Variants in CD96 observed in about 807,000 individuals in gnomAD.
CD96 encodes the protein CD96 molecule, also known as T-cell surface protein tactile.
Under a neutral mutation model 71.3 loss-of-function variants are expected in CD96, and 70 were observed. The observed-to-expected ratio is 0.98, with a 90% CI of 0.81 to 1.20. The LOEUF is 1.20. CD96 is among the 50% of genes most tolerant of loss of function. The probability of loss-of-function intolerance (pLI) is 0.00; values close to 1 mark genes in which losing one functional copy is unlikely to be tolerated. For missense variants in CD96, 742 were observed against 677.5 expected, an observed-to-expected ratio of 1.10 and a Z score of -1.06; for synonymous variants, 248 against 233.0, an observed-to-expected ratio of 1.06 and a Z score of -0.59.
In CD96 at chr3:111,544,763, C is replaced by G. The variant is rs148218463; in HGVS notation, c.62-283C>G. On this transcript the variant is annotated intron_variant, in intron 1 of 13. Coordinates refer to ENST00000352690, the MANE Select transcript of CD96 (RefSeq NM_005816.5). ...TTTCAAATAGGCTTAATTTTATTCA[C>G]AGGTAGTCTGAAACCTTCAATTATA... Among the ~76,000 whole-genome samples, 492 of 152,306 alleles carry G rather than the reference C, an allele frequency of 3.2e-3. 9 individuals carry two copies. Among genetic ancestry groups the G allele is most frequent in the East Asian group, 0.028 (146 of 5,188 alleles).
chr3:111,662,984 C>G (rs1341554457), intron 14 of CD96, among the ~76,000 whole-genome samples: 1 of 152,164 alleles, frequency 6.6e-6, no homozygotes, highest in African/African-American at 2.4e-5. Flanking sequence ...AGAGACATAC[C>G]TGAGACTGAG....
intron 8 of CD96, chr3:111,612,850 A>G (rs934933666): frequency 2.8e-5 from 27 of 976,422 alleles, no homozygotes; most frequent in Admixed American, 2.5e-4. Flanking sequence ...GACATGCAGC[A>G]TCTGAGAGTG....
intron 3 of CD96, chr3:111,571,017 T>C: frequency 7.0e-7 from 1 of 1,431,612 alleles, no homozygotes; most frequent in Non-Finnish European, 9.9e-7. Context: ...CAGCTTCTCT[T>C]TTGGGGTCAG....
intron 3 of CD96, among the ~76,000 whole-genome samples, chr3:111,578,563 C>T (rs562801064): frequency 1.3e-5 from 2 of 152,236 alleles, no homozygotes; most frequent in South Asian, 4.2e-4. Context: ...AGTCCAGGCT[C>T]GGGGAGGAGC....
At chr3:111,549,489 C>T (rs2107475462) in intron 2 of CD96, among the ~76,000 whole-genome samples, 1 of 152,160 alleles carries the variant, frequency 6.6e-6, no homozygotes, top group East Asian at 1.9e-4. Flanking sequence ...AAAAATGCAT[C>T]TTTGTGGTTC....
chr3:111,552,930 C>T (rs1934790717), intron 2 of CD96, among the ~76,000 whole-genome samples: 1 of 152,036 alleles, frequency 6.6e-6, no homozygotes, highest in Admixed American at 6.6e-5. Flanking sequence ...TAATTTCCCA[C>T]ATACTGAACA....
In CD96 at chr3:111,570,864, C is replaced by T. The variant is rs1020165084; in HGVS notation, c.543+3217C>T. Reference sequence around the variant, plus strand: ...GGCTCCAGGGTGCAAGGGTCCTGACCGCTCTTCCAAGGTGGGCAGCTCATG... The same window carrying T: ...GGCTCCAGGGTGCAAGGGTCCTGACTGCTCTTCCAAGGTGGGCAGCTCATG... On this transcript the variant is annotated intron_variant, in intron 3 of 13. Transcript: ENST00000352690. 113 of 1,609,466 alleles carry T rather than the reference C, an allele frequency of 7.0e-5. 1 individual carries two copies. In the African/African-American group the frequency reaches 1.1e-3, roughly 16 times the overall value.
chr3:111,610,665 G>C (rs1559755090), intron 8 of CD96, among the ~76,000 whole-genome samples: 1 of 152,192 alleles, frequency 6.6e-6, no homozygotes, highest in Non-Finnish European at 1.5e-5. Flanking sequence ...CTGAGTCCCA[G>C]CTGCATTCTC....
intron 2 of CD96, among the ~76,000 whole-genome samples, chr3:111,553,053 GTAT>G (rs1934797366): frequency 6.6e-6 from 1 of 150,498 alleles, no homozygotes; most frequent in Non-Finnish European, 1.5e-5. Flanking sequence ...GTTTATTTTA[GTAT>G]GAATCTTTAA....
intron 10 of CD96, among the ~76,000 whole-genome samples, chr3:111,631,437 CAAAG>C (rs1939056804): frequency 6.6e-6 from 1 of 152,026 alleles, no homozygotes; most frequent in Non-Finnish European, 1.5e-5. Flanking sequence ...GTACAGCTAA[CAAAG>C]GAAGTGAAGA....
chr3:111,634,882 A>G (rs1199676884), intron 10 of CD96: 1 of 151,360 alleles, frequency 6.6e-6, no homozygotes, highest in Admixed American at 6.6e-5. Context: ...GTAACAAGAG[A>G]AAAACTCTGT....
intron 12 of CD96, among the ~76,000 whole-genome samples, chr3:111,638,571 G>A (rs943105784): frequency 6.6e-6 from 1 of 152,178 alleles, no homozygotes; most frequent in Non-Finnish European, 1.5e-5. Context: ...GGAACAAAGA[G>A]TACTCCTATA....
chr3:111,585,468 C>G (rs888874711), intron 5 of CD96, 90 bp downstream of exon 5: 5 of 837,998 alleles, frequency 6.0e-6, no homozygotes, highest in Non-Finnish European at 1.0e-5. Flanking sequence ...TCTCAAAGAA[C>G]TTTACTCCTT....
chr3:111,595,372 G>A (rs775618490), intron 5 of CD96: 3 of 152,130 alleles, frequency 2.0e-5, no homozygotes, highest in Non-Finnish European at 4.4e-5. Flanking sequence ...CACCTTGGAT[G>A]TCTATTAGCT....
chr3:111,545,397 C>T lies in CD96; in HGVS notation c.413C>T (p.Thr138Ile), dbSNP rs150605152. 2.9e-5 allele frequency: 45 copies of T among 1,567,868 alleles called. No homozygotes were observed. In the African/African-American group the frequency reaches 5.1e-4, roughly 18 times the overall value. Residue 138 changes from threonine to isoleucine, a missense_variant, in exon 2 of 14, where the codon ACA (threonine) becomes ATA (isoleucine). By Grantham distance (89) the Thr-to-Ile change is moderately conservative. Coordinates refer to ENST00000352690, the MANE Select transcript of CD96 (RefSeq NM_005816.5). ...AAAATCTACAACCTTCTCATTCAGACACACGGTAAGCATAACTGGTAGAGG... is the reference window on the plus strand; with the variant it reads ...AAAATCTACAACCTTCTCATTCAGATACACGGTAAGCATAACTGGTAGAGG... ...QTKIYNLLIQTHVTADEWNSN... is the reference protein window; with the variant it reads ...QTKIYNLLIQIHVTADEWNSN...
At chr3:111,658,487 A>C (rs963509944) in intron 14 of CD96, among the ~76,000 whole-genome samples, 1 of 152,252 alleles carries the variant, frequency 6.6e-6, no homozygotes, top group Non-Finnish European at 1.5e-5. Flanking sequence ...GCATCAGGCT[A>C]GAATCATCAA....
chr3:111,568,721 T>A (rs1466167000), intron 3 of CD96, among the ~76,000 whole-genome samples: 1 of 152,222 alleles, frequency 6.6e-6, no homozygotes, highest in Non-Finnish European at 1.5e-5. Flanking sequence ...AATTGAGCTT[T>A]TTCTCATAAC....
Position 111,575,050 on chromosome 3 carries a change from T to G in CD96, c.544-3977T>G, listed in dbSNP as rs538951925. On this transcript the variant is annotated intron_variant, in intron 3 of 13. Coordinates refer to ENST00000352690, the MANE Select transcript of CD96 (RefSeq NM_005816.5). The stretch of plus-strand genomic sequence containing the variant: ...CTCAAGAAATCCACCAGCCTTGGCC[T>G]CCCAAAGTGCTGGAATTACAGGCAT... Among the ~76,000 whole-genome samples the G allele has an allele frequency of 5.8e-3, 876 of 152,272 alleles. 7 individuals carry two copies. The highest frequency in any genetic ancestry group is 8.0e-3 in the Non-Finnish European group (541 of 68,028).
At chr3:111,595,544 A>C (rs1040182940) in intron 5 of CD96, 1 of 152,070 alleles carries the variant, frequency 6.6e-6, no homozygotes, top group East Asian at 1.9e-4. Context: ...CAAGAAAAGG[A>C]TGTTCCTGGC....
Sources: gnomAD v4.1 joint callset for allele counts (sites outside exome capture counted in the v4.1 genomes callset) on GRCh38, gnomAD v4.1.1 for gene constraint, MANE v1.5 for transcripts, NCBI Gene and HGNC (gene_info 2026-07-23, HGNC 2026-07-21) for gene names.